RHBDD1: variants seen among roughly 807,000 people sequenced by gnomAD.
The protein encoded by RHBDD1 is rhomboid domain containing 1.
In RHBDD1, 38 loss-of-function variants were observed where a neutral mutation model predicts 36.3. The observed-to-expected ratio is 1.05, with a 90% CI of 0.81 to 1.37. RHBDD1 has a LOEUF of 1.37. Among genes scored for constraint, RHBDD1 ranks in the 40% most tolerant of loss-of-function variants. RHBDD1 has a pLI of 0.00. For missense variants in RHBDD1, 393 were observed against 377.6 expected (o/e 1.04, Z -0.34); for synonymous variants, 151 against 136.5 (o/e 1.11, Z -0.74).
chr2:226,908,726 C>T, intron 6 of RHBDD1, 96 bp from the exon 7 acceptor site: 1 of 828,804 alleles, frequency 1.2e-6, no homozygotes, highest in Non-Finnish European at 2.1e-6. Flanking sequence ...TTTGAAATGA[C>T]CTTGGGCTTT....
chr2:226,936,959 T>C (rs538357771), intron 8 of RHBDD1, among the ~76,000 whole-genome samples: 1 of 152,256 alleles, frequency 6.6e-6, no homozygotes, highest in South Asian at 2.1e-4. Context: ...GCTTTACTTA[T>C]CAATATGTGA....
intron 5 of RHBDD1, among the ~76,000 whole-genome samples, chr2:226,872,562 G>A (rs1041589867): frequency 5.3e-4 from 81 of 152,072 alleles, no homozygotes; most frequent in African/African-American, 1.9e-3. Context: ...TTTTTTTACA[G>A]GCAAGCTGTA....
chr2:226,961,877 A>G (rs935357292), intron 8 of RHBDD1, among the ~76,000 whole-genome samples: 1 of 152,064 alleles, frequency 6.6e-6, no homozygotes, highest in Non-Finnish European at 1.5e-5. Flanking sequence ...TGTGATCCCC[A>G]TTTTTTAGGT....
intron 5 of RHBDD1, among the ~76,000 whole-genome samples, chr2:226,892,977 G>GA (rs1240714542): frequency 6.6e-6 from 1 of 152,222 alleles, no homozygotes; most frequent in Admixed American, 6.5e-5. Context: ...AGAACCAGCA[G>GA]ATCAAGAGTA....
chr2:226,957,975 C>T (rs1951891943), intron 8 of RHBDD1, among the ~76,000 whole-genome samples: 1 of 152,164 alleles, frequency 6.6e-6, no homozygotes, highest in Non-Finnish European at 1.5e-5. Context: ...CTGCTTTGGA[C>T]AATAGTCTGG....
chr2:226,859,296 A>G (rs931223807), intron 3 of RHBDD1, among the ~76,000 whole-genome samples: 9 of 152,344 alleles, frequency 5.9e-5, no homozygotes, highest in African/African-American at 2.2e-4. Flanking sequence ...GAACATGTAC[A>G]GACTTTTTTT....
At chr2:226,988,554 G>C in intron 8 of RHBDD1, 1 of 1,414,624 alleles carries the variant, frequency 7.1e-7, no homozygotes, top group Non-Finnish European at 9.2e-7. Flanking sequence ...CCCTCTCTGC[G>C]GACTGGTGTG....
intron 3 of RHBDD1, among the ~76,000 whole-genome samples, chr2:226,861,337 A>T (rs1486610115): frequency 6.6e-6 from 1 of 152,188 alleles, no homozygotes; most frequent in Non-Finnish European, 1.5e-5. Flanking sequence ...CAGAAGCAGG[A>T]GCAGTCAACA....
the RHBDD1 span, among the ~76,000 whole-genome samples, chr2:226,800,788 G>C: frequency 5.3e-5 from 8 of 152,302 alleles, no homozygotes; most frequent in South Asian, 1.7e-3. Context: ...CACCCTATAA[G>C]TTTTTAACCT....
At chr2:226,845,339 C>G (rs534977077) in intron 3 of RHBDD1, among the ~76,000 whole-genome samples, 9 of 152,238 alleles carry the variant, frequency 5.9e-5, no homozygotes, top group African/African-American at 2.2e-4. Context: ...AATATATATA[C>G]ATATATAATC....
At chr2:226,826,551 C>T in the RHBDD1 span, among the ~76,000 whole-genome samples, 144 of 130,188 alleles carry the variant, frequency 1.1e-3, no homozygotes, top group South Asian at 3.4e-3. Context: ...GACAGAGTCT[C>T]GCTCTGTTGC....
At chr2:226,851,746 T>C (rs559518468) in intron 3 of RHBDD1, among the ~76,000 whole-genome samples, 1 of 152,110 alleles carries the variant, frequency 6.6e-6, no homozygotes, top group Admixed American at 6.5e-5. Context: ...CATGAGCCTT[T>C]TTGTTGTTGT....
At chr2:226,959,057 A>C (rs74981157) in intron 8 of RHBDD1, among the ~76,000 whole-genome samples, 3 of 152,100 alleles carry the variant, frequency 2.0e-5, no homozygotes, top group Non-Finnish European at 4.4e-5. Flanking sequence ...AGAAATCTAA[A>C]TGTCTTCAGG....
intron 8 of RHBDD1, among the ~76,000 whole-genome samples, chr2:226,944,854 A>G (rs974777068): frequency 2.0e-5 from 3 of 152,162 alleles, no homozygotes; most frequent in Non-Finnish European, 4.4e-5. Context: ...GCCATGGTCT[A>G]TTGATGGATT....
chr2:226,939,656 G>A (rs983012569), intron 8 of RHBDD1, among the ~76,000 whole-genome samples: 4 of 152,204 alleles, frequency 2.6e-5, no homozygotes, highest in African/African-American at 9.7e-5. Flanking sequence ...CTCATGGATA[G>A]GAAGAATCAA....
At chr2:226,895,687 A>T in intron 5 of RHBDD1, 4 of 985,388 alleles carry the variant, frequency 4.1e-6, no homozygotes, top group Non-Finnish European at 3.6e-6. Flanking sequence ...AGCAACACAG[A>T]TCCTAAAGAA....
intron 8 of RHBDD1, among the ~76,000 whole-genome samples, chr2:226,962,301 A>G (rs1952262144): frequency 6.6e-6 from 1 of 152,222 alleles, no homozygotes; most frequent in African/African-American, 2.4e-5. Flanking sequence ...CATCATTTAG[A>G]GTTGCTAATA....
intron 8 of RHBDD1, chr2:226,988,598 G>A: frequency 7.3e-7 from 1 of 1,362,194 alleles, no homozygotes; most frequent in South Asian, 2.1e-5. Context: ...AGAGGCCGGG[G>A]GCTCCAGCTG....
intron 5 of RHBDD1, chr2:226,895,645 A>G (rs1947043830): frequency 1.0e-6 from 1 of 984,866 alleles, no homozygotes; most frequent in Non-Finnish European, 1.2e-6. Context: ...TTAATTTAGG[A>G]CAACCTGCCA....
Sources: gnomAD v4.1 joint callset for allele counts (sites outside exome capture counted in the v4.1 genomes callset) on GRCh38, gnomAD v4.1.1 for gene constraint, MANE v1.5 for transcripts, NCBI Gene and HGNC (gene_info 2026-07-23, HGNC 2026-07-21) for gene names.